CERS4: variants seen among roughly 807,000 people sequenced by gnomAD.
CERS4 encodes ceramide synthase 4, also known as LAG1 homolog, ceramide synthase 4.
CERS4 carries 65 observed loss-of-function variants against 51.8 expected under a neutral mutation model. The ratio of observed to expected loss-of-function variants is 1.26; its 90% CI spans 1.03 to 1.54. The LOEUF (loss-of-function observed/expected upper bound fraction) is 1.54. Ranked by LOEUF, CERS4 falls within the 40% of genes most tolerant of loss-of-function variation. The pLI, the probability that CERS4 is intolerant of heterozygous loss-of-function variation, is 0.00. For synonymous variants in CERS4, 228 were observed against 208.4 expected, an observed-to-expected ratio of 1.09 and a Z score of -0.81; for missense variants, 563 against 500.4, an observed-to-expected ratio of 1.13 and a Z score of -1.19.
Position 8,256,280 on chromosome 19 carries a change from A to C in CERS4, c.513A>C (p.Pro171=). 2 of 1,613,640 alleles carry C rather than the reference A, an allele frequency of 1.2e-6. No individual in the cohort carries two copies. The highest frequency in any genetic ancestry group is 1.7e-6 in the Non-Finnish European group (2 of 1,179,828). Residue 171 remains proline (P), a synonymous_variant, in exon 7 of 12, where the codon CCA becomes CCC. Coordinates refer to ENST00000251363, the MANE Select transcript of CERS4 (RefSeq NM_024552.3). Reference sequence around the variant, plus strand: ...CAGTAATGTGCTGGGACAGGTACCCAAACCAGGTGAGTGGCAGAGTGTGTG... The same window carrying C: ...CAGTAATGTGCTGGGACAGGTACCCCAACCAGGTGAGTGGCAGAGTGTGTG... ...WAPVMCWDRY[P]NQTLKPSLYW... is the part of the protein sequence containing the mutation.
chr19:8,258,120 G>A (rs1276380385), intron 10 of CERS4, 135 bp downstream of exon 10: 1 of 734,974 alleles, frequency 1.4e-6, no homozygotes, highest in African/African-American at 1.7e-5. Context: ...GGCAGGGAAG[G>A]GTGTGCCAGG....
chr19:8,241,004 T>C (rs1406940958), intron 2 of CERS4, among the ~76,000 whole-genome samples: 1 of 127,066 alleles, frequency 7.9e-6, no homozygotes, highest in South Asian at 2.6e-4. Flanking sequence ...CAGCCAGGCT[T>C]GGGGGCGGGT....
intron 2 of CERS4, among the ~76,000 whole-genome samples, chr19:8,239,879 T>A (rs1379459885): frequency 6.6e-6 from 1 of 152,198 alleles, no homozygotes; most frequent in African/African-American, 2.4e-5. Flanking sequence ...TCCAGCCCTG[T>A]CTGAGGCTCT....
rs560901451 is a variant in CERS4 at position 8,255,880 on chromosome 19, G to C, written c.468+1G>C. 1.2e-6 allele frequency: 2 copies of C among 1,613,762 alleles called. No individual in the cohort carries two copies. The highest frequency in any genetic ancestry group is 3.3e-5 in the Admixed American group (2 of 59,988). ...GGGCGGCCTCTCGGTCCTGTACCACGTGAGTATACCAGAGTATAGCTGACT... is the reference window on the plus strand; with the variant it reads ...GGGCGGCCTCTCGGTCCTGTACCACCTGAGTATACCAGAGTATAGCTGACT... On this transcript the variant is annotated splice_donor_variant, in intron 6 of 11. Transcript: ENST00000251363. LOFTEE classifies it high-confidence loss of function.
At chr19:8,253,239 G>GAT (rs59708873) in intron 3 of CERS4, among the ~76,000 whole-genome samples, 11,278 of 152,248 alleles carry the variant, frequency 0.074, 780 homozygotes, top group African/African-American at 0.18. Context: ...CGGAATGGGG[G>GAT]ATGCTGGGAG....
rs1397048665 is a variant in CERS4 at position 8,262,001 on chromosome 19, T to C, written c.1077T>C (p.Pro359=). 1 of 1,594,104 alleles carries C rather than the reference T, an allele frequency of 6.3e-7. No individual in the cohort carries two copies. The highest frequency in any genetic ancestry group is 8.5e-7 in the Non-Finnish European group (1 of 1,171,168). The change falls in exon 12 of 12, where the codon CCT becomes CCC. Residue 359 remains proline (P), a synonymous_variant. Coordinates refer to ENST00000251363, the MANE Select transcript of CERS4 (RefSeq NM_024552.3). Reference sequence around the variant, plus strand: ...AGGAGGCGGCGGCGGCCCAGGAACCTCTGCAGCTAAAGAACGGGGCAGCTG... The same window carrying C: ...AGGAGGCGGCGGCGGCCCAGGAACCCCTGCAGCTAAAGAACGGGGCAGCTG... The part of the protein sequence containing the change: ...SSEEAAAAQE[P]LQLKNGAAGG...
chr19:8,212,075 A>G (rs1460632837), intron 2 of CERS4, among the ~76,000 whole-genome samples: 1 of 151,962 alleles, frequency 6.6e-6, no homozygotes, highest in Admixed American at 6.6e-5. Flanking sequence ...ATTGCAGAGG[A>G]GAGAAACTGC....
chr19:8,223,897 G>A (rs1369299332), intron 2 of CERS4, among the ~76,000 whole-genome samples: 2 of 151,166 alleles, frequency 1.3e-5, no homozygotes. Context: ...TCAGGAGTTC[G>A]AGACCAGCCT....
chr19:8,231,147 T>C (rs1389266611), intron 2 of CERS4, among the ~76,000 whole-genome samples: 2 of 152,176 alleles, frequency 1.3e-5, no homozygotes, highest in Admixed American at 6.6e-5. Context: ...ACCTTTCTGC[T>C]AATTCCAACA....
At chr19:8,256,126 G>C in intron 6 of CERS4, 110 bp from the exon 7 acceptor site, 1 of 1,213,596 alleles carries the variant, frequency 8.2e-7, no homozygotes, top group Non-Finnish European at 1.2e-6. Flanking sequence ...AGCAGGGCTG[G>C]GTGAAGGTAG....
intron 3 of CERS4, among the ~76,000 whole-genome samples, chr19:8,253,883 T>G (rs1484843412): frequency 2.6e-5 from 4 of 151,870 alleles, no homozygotes; most frequent in Non-Finnish European, 5.9e-5. Context: ...TCAGCTGCCT[T>G]TCTTATGTTT....
chr19:8,254,047 C>T (rs1235124831), intron 3 of CERS4, among the ~76,000 whole-genome samples: 3 of 151,994 alleles, frequency 2.0e-5, no homozygotes, highest in East Asian at 1.9e-4. Context: ...TTAGGCCGGG[C>T]GCGGTGGCTC....
chr19:8,214,511 G>A (rs564662004), intron 2 of CERS4: 2 of 152,806 alleles, frequency 1.3e-5, no homozygotes, highest in South Asian at 4.1e-4. Context: ...TGAGGCTGGG[G>A]TGGCTGGAGC....
rs577626587 is a variant in CERS4 at position 8,254,881 on chromosome 19, C to G, written c.291+265C>G. Reference sequence around the variant, plus strand: ...GCCTCCCTGGGAGATGAGGACCCCCCCCTTCCCAGCCTCCTTGGGAGATGG... The same window carrying G: ...GCCTCCCTGGGAGATGAGGACCCCCGCCTTCCCAGCCTCCTTGGGAGATGG... On this transcript the variant is annotated intron_variant, in intron 4 of 11. Coordinates refer to ENST00000251363, the MANE Select transcript of CERS4 (RefSeq NM_024552.3). 3.9e-3 allele frequency among the ~76,000 whole-genome samples: 586 copies of G among 151,932 alleles called. 5 individuals are homozygous for G. The highest frequency in any genetic ancestry group is 0.014 in the African/African-American group (563 of 41,476).
intron 2 of CERS4, 171 bp from the exon 3 acceptor site, chr19:8,250,897 CAGAGGACA>C: frequency 7.0e-7 from 1 of 1,435,170 alleles, no homozygotes. Flanking sequence ...CTTCTGGGAC[CAGAGGACA>C]GTTCCAAAGT....
chr19:8,212,900 G>A (rs933757443), intron 2 of CERS4, among the ~76,000 whole-genome samples: 2 of 151,554 alleles, frequency 1.3e-5, no homozygotes, highest in South Asian at 2.1e-4. Flanking sequence ...CACCTGCCTC[G>A]GCCTCCCAAA....
At chr19:8,246,902 A>C (rs1490412730) in intron 2 of CERS4, among the ~76,000 whole-genome samples, 2 of 152,186 alleles carry the variant, frequency 1.3e-5, no homozygotes, top group African/African-American at 2.4e-5. Flanking sequence ...GCGGTGGCTC[A>C]TGCCTATAAT....
intron 3 of CERS4, among the ~76,000 whole-genome samples, chr19:8,252,175 C>T (rs1425343381): frequency 2.0e-5 from 3 of 151,898 alleles, no homozygotes; most frequent in Non-Finnish European, 4.4e-5. Context: ...TCAAGACCAG[C>T]CCGACAAACG....
At chr19:8,236,981 C>A (rs1398527252) in intron 2 of CERS4, among the ~76,000 whole-genome samples, 1 of 104,278 alleles carries the variant, frequency 9.6e-6, no homozygotes, top group Non-Finnish European at 1.7e-5. Flanking sequence ...CCAGCCTGGG[C>A]AACAGAGCGA....
Sources: allele counts gnomAD v4.1 joint callset (sites outside exome capture counted in the v4.1 genomes callset), GRCh38; gene constraint gnomAD v4.1.1; transcripts MANE v1.5; gene names NCBI Gene and HGNC (gene_info 2026-07-23, HGNC 2026-07-21).